Variants in ASCC3 observed in about 807,000 individuals in gnomAD.
ASCC3 encodes the protein ASC-1 complex subunit P200.
ASCC3 carries 158 observed loss-of-function variants against 256.3 expected under a neutral mutation model. The observed-to-expected ratio is 0.62, with a 90% CI of 0.54 to 0.70. ASCC3 has a LOEUF of 0.70. Among genes scored for constraint, ASCC3 ranks in the 30% least tolerant of loss-of-function variants. ASCC3 has a pLI of 0.00. For synonymous variants in ASCC3, 948 were observed against 883.4 expected, an observed-to-expected ratio of 1.07 and a Z score of -1.30; for missense variants, 2,259 against 2,626.0, an observed-to-expected ratio of 0.86 and a Z score of 3.05.
chr6:100,638,570 A>G, intron 25 of ASCC3, 31 bp downstream of exon 25: 1 of 1,531,186 alleles, frequency 6.5e-7, no homozygotes. Flanking sequence ...GTCTTTTCTA[A>G]TTAAATGTAA....
rs182298498 is a variant in ASCC3, at chr6:100,644,512, G to C, written c.3634-383C>G. Among the ~76,000 whole-genome samples, 357 of 152,214 alleles carry C rather than the reference G, an allele frequency of 2.3e-3. 1 individual carries two copies. Among genetic ancestry groups the C allele is most frequent in the Non-Finnish European group, 3.8e-3 (257 of 68,002 alleles). ...CATCTATGTTTTAGCATGCATCAAT[G>C]CTTTCATTCCTTTTTATTGTCTAAT... On this transcript the variant is annotated intron_variant, in intron 22 of 41. Coordinates refer to ENST00000369162, the MANE Select transcript of ASCC3 (RefSeq NM_006828.4).
Position 100,881,177 on chromosome 6 carries a change from A to C in ASCC3, c.-158T>G, listed in dbSNP as rs981424414. ...GGGTGAGGAGCTGAGCGCAGGGCCA[A>C]AGATGCGAGCGGGCAGCTGTATCGC... is the stretch of plus-strand genomic sequence containing the variant. On this transcript the variant is annotated 5_prime_UTR_variant, in exon 1 of 42. Coordinates refer to ENST00000369162, the MANE Select transcript of ASCC3 (RefSeq NM_006828.4). The C allele has an allele frequency of 6.6e-6, 1 of 152,432 alleles. No homozygotes were observed. The highest frequency in any genetic ancestry group is 2.4e-5 in the African/African-American group (1 of 41,584). The allele number at this position is 152,432 out of a possible 1,614,324, so 9.4% of individuals were successfully genotyped here.
At chr6:100,760,233 T>G (rs1020460424) in intron 10 of ASCC3, among the ~76,000 whole-genome samples, 2 of 152,158 alleles carry the variant, frequency 1.3e-5, no homozygotes, top group Non-Finnish European at 2.9e-5. Flanking sequence ...TGTACTGGTT[T>G]TCAAAGGGAA....
intron 13 of ASCC3, among the ~76,000 whole-genome samples, chr6:100,697,982 T>C (rs374552023): frequency 1.2e-4 from 19 of 152,274 alleles, no homozygotes; most frequent in Middle Eastern, 3.4e-3. Flanking sequence ...TGTTCCACTG[T>C]GCTCTTTCAG....
At chr6:100,860,342 A>G (rs1209325618) in intron 3 of ASCC3, among the ~76,000 whole-genome samples, 5 of 152,018 alleles carry the variant, frequency 3.3e-5, no homozygotes, top group African/African-American at 1.2e-4. Flanking sequence ...TATTTTCTCC[A>G]TAAAACTAAA....
In ASCC3 at chr6:100,607,966, T is replaced by A. The variant is rs376005149; in HGVS notation, c.4786-878A>T. On this transcript the variant is annotated intron_variant, in intron 30 of 41. Coordinates refer to ENST00000369162, the MANE Select transcript of ASCC3 (RefSeq NM_006828.4). Reference sequence around the variant, plus strand: ...CTTTTTTTTTCTAATTGGCTTGTGATCTTTTTTATATATTAACGATATTAA... The same window carrying A: ...CTTTTTTTTTCTAATTGGCTTGTGAACTTTTTTATATATTAACGATATTAA... 4.8e-5 allele frequency among the ~76,000 whole-genome samples: 7 copies of A among 146,392 alleles called. No homozygotes were observed. In the East Asian group the frequency reaches 1.4e-3, roughly 29 times the overall value.
chr6:100,526,131 A>C (rs1774566720), intron 37 of ASCC3, among the ~76,000 whole-genome samples: 1 of 152,240 alleles, frequency 6.6e-6, no homozygotes, highest in Non-Finnish European at 1.5e-5. Context: ...AGCATTCAGG[A>C]AGCTCAGCTG....
intron 34 of ASCC3, among the ~76,000 whole-genome samples, chr6:100,592,595 G>A (rs1479967566): frequency 6.6e-6 from 1 of 152,000 alleles, no homozygotes; most frequent in Non-Finnish European, 1.5e-5. Context: ...ATTTTTCTGT[G>A]AATAAGGAAT....
At chr6:100,665,979 T>C (rs551611869) in intron 14 of ASCC3, among the ~76,000 whole-genome samples, 45 of 152,274 alleles carry the variant, frequency 3.0e-4, no homozygotes, top group African/African-American at 1.0e-3. Context: ...ATAGTTAAAC[T>C]CTTCGCAACT....
At chr6:100,826,402 A>G (rs1301234944) in intron 4 of ASCC3, among the ~76,000 whole-genome samples, 1 of 152,188 alleles carries the variant, frequency 6.6e-6, no homozygotes, top group Non-Finnish European at 1.5e-5. Flanking sequence ...AAGTGCTGGT[A>G]TTACAGGCGT....
chr6:100,644,515 T>C (rs1775285192), intron 22 of ASCC3, among the ~76,000 whole-genome samples: 1 of 152,134 alleles, frequency 6.6e-6, no homozygotes, highest in Admixed American at 6.5e-5. Flanking sequence ...CATCAATGCT[T>C]TCATTCCTTT....
At chr6:100,625,455 G>A (rs947480053) in intron 29 of ASCC3, 121 bp from the exon 30 acceptor site, 1 of 1,170,922 alleles carries the variant, frequency 8.5e-7, no homozygotes, top group Non-Finnish European at 1.3e-6. Flanking sequence ...ATGAAATGTG[G>A]CATTATTGCA....
intron 8 of ASCC3, among the ~76,000 whole-genome samples, chr6:100,772,855 C>T (rs533830359): frequency 6.6e-6 from 1 of 152,176 alleles, no homozygotes; most frequent in African/African-American, 2.4e-5. Context: ...AAGTATGACC[C>T]GCAGGTAACT....
intron 8 of ASCC3, among the ~76,000 whole-genome samples, chr6:100,797,872 A>C (rs966435946): frequency 6.6e-6 from 1 of 152,152 alleles, no homozygotes; most frequent in Non-Finnish European, 1.5e-5. Context: ...GTAGTGATAA[A>C]CTGATGCTGC....
At chr6:100,839,032 T>G (rs1772014428) in intron 4 of ASCC3, among the ~76,000 whole-genome samples, 1 of 151,384 alleles carries the variant, frequency 6.6e-6, no homozygotes, top group Non-Finnish European at 1.5e-5. Flanking sequence ...AACATATCTT[T>G]GTTTTACTAA....
At chr6:100,721,022 G>A (rs1197740787) in intron 11 of ASCC3, among the ~76,000 whole-genome samples, 1 of 150,170 alleles carries the variant, frequency 6.7e-6, no homozygotes, top group East Asian at 1.9e-4. Context: ...AAAATTATTT[G>A]TAAACTTTCT....
At chr6:100,749,066 T>C (rs1780818847) in intron 10 of ASCC3, among the ~76,000 whole-genome samples, 2 of 152,082 alleles carry the variant, frequency 1.3e-5, no homozygotes, top group South Asian at 2.1e-4. Context: ...CTGAAGTTCA[T>C]GAAGAATCAA....
chr6:100,754,091 T>C (rs1393535780), intron 10 of ASCC3, among the ~76,000 whole-genome samples: 1 of 152,026 alleles, frequency 6.6e-6, no homozygotes, highest in Non-Finnish European at 1.5e-5. Context: ...TTTTAGCAAT[T>C]TGTTTTAAGA....
intron 1 of ASCC3, among the ~76,000 whole-genome samples, chr6:100,880,648 C>T (rs373058213): frequency 1.7e-4 from 26 of 152,282 alleles, no homozygotes; most frequent in African/African-American, 6.0e-4. Context: ...TACCTATTTA[C>T]TTTCCAGTGT....
Sources: allele counts gnomAD v4.1 joint callset (sites outside exome capture counted in the v4.1 genomes callset), GRCh38; gene constraint gnomAD v4.1.1; transcripts MANE v1.5; gene names NCBI Gene and HGNC (gene_info 2026-07-23, HGNC 2026-07-21).